The following WDR27 variants were observed in gnomAD, a reference collection of about 807,000 sequenced individuals.
The protein encoded by WDR27 is WD repeat-containing protein 27.
A neutral mutation model predicts 114.4 loss-of-function variants in WDR27; 100 were observed. That is an observed-to-expected ratio of 0.87 (90% CI 0.74 to 1.03). The LOEUF (loss-of-function observed/expected upper bound fraction) is 1.03. WDR27 is among the 50% of genes least tolerant of loss of function. The probability of loss-of-function intolerance (pLI) is 0.00; values close to 1 mark genes in which losing one functional copy is unlikely to be tolerated. For synonymous variants in WDR27, 449 were observed against 423.1 expected, an observed-to-expected ratio of 1.06 and a Z score of -0.75; for missense variants, 1,129 against 1,092.9, an observed-to-expected ratio of 1.03 and a Z score of -0.47.
intron 25 of WDR27, among the ~76,000 whole-genome samples, chr6:169,552,245 C>A (rs1001237099): frequency 6.6e-6 from 1 of 152,150 alleles, no homozygotes; most frequent in Admixed American, 6.5e-5. Context: ...GCACAAGCTG[C>A]CCCCCACTTC....
At chr6:169,490,085 C>T (rs2115430020) in intron 25 of WDR27, among the ~76,000 whole-genome samples, 1 of 152,318 alleles carries the variant, frequency 6.6e-6, no homozygotes, top group East Asian at 1.9e-4. Flanking sequence ...TCAGGATGCC[C>T]TAAACAGGTC....
intron 5 of WDR27, among the ~76,000 whole-genome samples, chr6:169,667,702 G>A (rs908762736): frequency 3.3e-5 from 5 of 152,224 alleles, no homozygotes; most frequent in Non-Finnish European, 7.3e-5. Context: ...CCGTGGAGAA[G>A]AATTCGTGCC....
chr6:169,675,049 T>C (rs182851656), intron 2 of WDR27, among the ~76,000 whole-genome samples: 12 of 152,260 alleles, frequency 7.9e-5, no homozygotes, highest in African/African-American at 2.9e-4. Context: ...TGGAATGTCA[T>C]CAGTTAAGGC....
chr6:169,579,183 A>T (rs1802952164), intron 24 of WDR27, among the ~76,000 whole-genome samples: 1 of 152,208 alleles, frequency 6.6e-6, no homozygotes, highest in African/African-American at 2.4e-5. Context: ...TGCAATGACC[A>T]GCTTTGCATT....
chr6:169,427,564 G>A, the WDR27 span, among the ~76,000 whole-genome samples: 13 of 152,152 alleles, frequency 8.5e-5, no homozygotes, highest in African/African-American at 3.1e-4. Flanking sequence ...GGACTTGGGT[G>A]AACTCCTGGG....
chr6:169,446,460 A>C, the WDR27 span, among the ~76,000 whole-genome samples: 1 of 152,088 alleles, frequency 6.6e-6, no homozygotes, highest in Admixed American at 6.5e-5. Context: ...GTGGTCCAGG[A>C]CTTCTTAACA....
chr6:169,477,583 C>G (rs1025742945), intron 25 of WDR27, among the ~76,000 whole-genome samples: 1 of 152,160 alleles, frequency 6.6e-6, no homozygotes, highest in Non-Finnish European at 1.5e-5. Flanking sequence ...GGACAACAGG[C>G]ATGCACTACC....
chr6:169,640,109 C>T (rs1818790878), intron 17 of WDR27, among the ~76,000 whole-genome samples: 1 of 152,150 alleles, frequency 6.6e-6, no homozygotes, highest in South Asian at 2.1e-4. Context: ...CGACAAATGA[C>T]CCTAGACCTG....
At chr6:169,476,684 T>C (rs62422450) in intron 25 of WDR27, among the ~76,000 whole-genome samples, 10,552 of 152,212 alleles carry the variant, frequency 0.069, 486 homozygotes, top group South Asian at 0.13. Flanking sequence ...TTTTTTTTAG[T>C]TAAGTTCCTA....
intron 25 of WDR27, among the ~76,000 whole-genome samples, chr6:169,544,426 C>CTTTTTTTTTTTTTT (rs201281369): frequency 1.4e-5 from 2 of 140,876 alleles, no homozygotes; most frequent in Admixed American, 7.1e-5. Flanking sequence ...ATTTCTTTTC[C>CTTTTTTTTTTTTTT]TTTTTTTTTT....
At chr6:169,696,666 G>T (rs1786110825) in intron 1 of WDR27, among the ~76,000 whole-genome samples, 1 of 152,198 alleles carries the variant, frequency 6.6e-6, no homozygotes, top group Admixed American at 6.5e-5. Flanking sequence ...TGTATTCCCA[G>T]CACTTTGGGA....
intron 21 of WDR27, among the ~76,000 whole-genome samples, chr6:169,629,339 C>G (rs1416322270): frequency 6.6e-6 from 1 of 152,004 alleles, no homozygotes; most frequent in African/African-American, 2.4e-5. Flanking sequence ...AAATCTCAGC[C>G]TAAGCTCTAA....
intron 21 of WDR27, 110 bp from the exon 22 acceptor site, chr6:169,613,766 G>GT: frequency 5.1e-6 from 5 of 984,588 alleles, no homozygotes; most frequent in Non-Finnish European, 5.8e-6. Context: ...TTAACACAAA[G>GT]TTTTTTTCTT....
intron 3 of WDR27, chr6:169,671,924 A>G (rs894002060): frequency 1.1e-5 from 2 of 176,734 alleles, no homozygotes; most frequent in African/African-American, 4.7e-5. Context: ...GTGCAAGGAA[A>G]GAATATTTCA....
Position 169,684,151 on chromosome 6 carries a change from G to A in WDR27, c.189+4666C>T, listed in dbSNP as rs1413759293. Among the ~76,000 whole-genome samples, 3 of 152,018 alleles carry A rather than the reference G, an allele frequency of 2.0e-5. No individual in the cohort carries two copies. Among genetic ancestry groups the A allele is most frequent in the Non-Finnish European group, 2.9e-5 (2 of 67,992 alleles). On this transcript the variant is annotated intron_variant, in intron 2 of 25. Transcript: ENST00000448612. The surrounding 1 kb of genome is among the most constrained non-coding windows in gnomAD (Gnocchi z 4.3). The stretch of plus-strand genomic sequence containing the variant: ...CTGCACAACAGAGAAACCAACCCTC[G>A]CCACTGCACTTCCAGCCAGAGAAAC...
chr6:169,688,120 TATTA>T (rs1783509370), intron 2 of WDR27, among the ~76,000 whole-genome samples: 1 of 152,186 alleles, frequency 6.6e-6, no homozygotes, highest in Admixed American at 6.5e-5. Flanking sequence ...TAATTCTACT[TATTA>T]CTCTATAATA....
intron 25 of WDR27, among the ~76,000 whole-genome samples, chr6:169,506,851 C>T (rs1396499851): frequency 3.3e-5 from 5 of 152,152 alleles, no homozygotes; most frequent in Non-Finnish European, 7.4e-5. Flanking sequence ...CATATGTGTT[C>T]TTCTGCTTTG....
chr6:169,665,495 A>T lies in WDR27; in HGVS notation c.774T>A (p.Ala258=). The T allele has an allele frequency of 6.2e-7, 1 of 1,613,530 alleles. No homozygotes were observed. Among genetic ancestry groups the T allele is most frequent in the Middle Eastern group, 1.7e-4 (1 of 6,058 alleles). The change falls in exon 7 of 26, where the codon GCT becomes GCA. Residue 258 remains alanine, a synonymous_variant. Transcript: ENST00000448612. ...AESRQLVTGC[A]DGQLWIFSLM... ...TCTGTGGCTGTCTCACCTGGCCGTC[A>T]GCACACCCGGTGACCAGCTGCCTGC...
intron 17 of WDR27, among the ~76,000 whole-genome samples, chr6:169,640,809 A>G (rs1818959865): frequency 3.1e-5 from 4 of 129,266 alleles, no homozygotes; most frequent in African/African-American, 1.3e-4. Context: ...AGCTCAGACC[A>G]GCCTCCACTG....
Sources: allele counts gnomAD v4.1 joint callset (sites outside exome capture counted in the v4.1 genomes callset), GRCh38; gene constraint gnomAD v4.1.1; non-coding constraint Gnocchi (gnomAD v3.1); transcripts MANE v1.5; gene names NCBI Gene and HGNC (gene_info 2026-07-23, HGNC 2026-07-21).